The following INTS7 variants were observed in gnomAD, a reference collection of about 807,000 sequenced individuals.
INTS7 encodes chromosome 1 open reading frame 73.
INTS7 carries 46 observed loss-of-function variants against 109.2 expected under a neutral mutation model. The ratio of observed to expected loss-of-function variants is 0.42; its 90% CI spans 0.33 to 0.54. The LOEUF (loss-of-function observed/expected upper bound fraction) is 0.54. Ranked by LOEUF, INTS7 falls within the 20% of genes least tolerant of loss-of-function variation. The pLI is 0.07. For synonymous variants in INTS7, 412 were observed against 402.9 expected (o/e 1.02, Z -0.27); for missense variants, 929 against 1,132.4 (o/e 0.82, Z 2.58).
intron 4 of INTS7, chr1:212,011,760 G>A: frequency 4.9e-6 from 1 of 203,586 alleles, no homozygotes; most frequent in Non-Finnish European, 9.9e-6. Flanking sequence ...TATATTTCTG[G>A]AACTTAGAAA....
At chr1:212,035,273 A>C (rs1408976739) in intron 1 of INTS7, 71 bp downstream of exon 1, 4 of 1,057,890 alleles carry the variant, frequency 3.8e-6, no homozygotes, top group Middle Eastern at 2.1e-4. Context: ...CTTCTCCCAA[A>C]GCAACCACCA....
rs958563261 is a variant in INTS7 at position 211,952,638 on chromosome 1, C to T, written c.2247G>A (p.Met749Ile). ...CCTCCAAGACATGATTATATACAGA[C>T]ATCATTCTTCTTTCATATTCACTAT... is the stretch of plus-strand genomic sequence containing the variant. ...HADSEYERRM[M>I]SVYNHVLEEV... is the part of the protein sequence containing the mutation. The change falls in exon 17 of 20, where the codon ATG (methionine) becomes ATA (isoleucine). Residue 749 changes from methionine to isoleucine, a missense_variant. By Grantham distance (10) the Met-to-Ile change is conservative. Coordinates refer to ENST00000366994, the MANE Select transcript of INTS7 (RefSeq NM_015434.4). 2.5e-6 allele frequency: 4 copies of T among 1,612,142 alleles called. No individual in the cohort carries two copies. The highest frequency in any genetic ancestry group is 1.1e-5 in the South Asian group (1 of 91,022).
intron 7 of INTS7, 31 bp from the exon 8 acceptor site, chr1:211,988,034 G>A: frequency 9.1e-7 from 1 of 1,099,470 alleles, no homozygotes; most frequent in South Asian, 1.3e-5. Context: ...GAATATAGAA[G>A]TTAAAACATC....
At chr1:212,019,422 T>C (rs1203350042) in intron 3 of INTS7, among the ~76,000 whole-genome samples, 2 of 152,028 alleles carry the variant, frequency 1.3e-5, no homozygotes, top group Non-Finnish European at 2.9e-5. Context: ...ATTCCTGATA[T>C]GGAAAAAACG....
chr1:211,975,312 G>GT lies in INTS7; in HGVS notation c.1668dup (p.His557ThrfsTer8). The stretch of plus-strand genomic sequence containing the variant: ...AAACTATTTAGCCAGAAGTAGAAAT[G>GT]TTCTGAGGCAACCTGAGTCAGCAAA... On this transcript the variant is annotated frameshift_variant, in exon 13 of 20. Transcript: ENST00000366994. LOFTEE classifies it high-confidence loss of function. 1 of 1,614,064 alleles carries GT rather than the reference G, an allele frequency of 6.2e-7. No individual in the cohort carries two copies. Among genetic ancestry groups the GT allele is most frequent in the Non-Finnish European group, 8.5e-7 (1 of 1,179,948 alleles).
intron 8 of INTS7, among the ~76,000 whole-genome samples, chr1:211,983,995 C>G (rs964046559): frequency 1.5e-4 from 23 of 151,942 alleles, no homozygotes; most frequent in African/African-American, 5.3e-4. Flanking sequence ...TTCCAAGTAG[C>G]TGAGAATACA....
chr1:211,978,240 CATTCAAAGGAG>C, intron 11 of INTS7, 21 bp downstream of exon 11: 4 of 1,611,996 alleles, frequency 2.5e-6, no homozygotes, highest in Non-Finnish European at 2.5e-6. Context: ...AGATCCTAGT[CATTCAAAGGAG>C]ATTCAAAATG....
rs1663512162 is a variant in INTS7, at chr1:211,959,429, C to T, written c.2184-6728G>A. Among the ~76,000 whole-genome samples the T allele has an allele frequency of 6.6e-6, 1 of 152,136 alleles. No individual in the cohort carries two copies. Among genetic ancestry groups the T allele is most frequent in the African/African-American group, 2.4e-5 (1 of 41,434 alleles). On this transcript the variant is annotated intron_variant, in intron 16 of 19. Transcript: ENST00000366994. The surrounding 1 kb of genome is among the most constrained non-coding windows in gnomAD (Gnocchi z 4.2). ...TCATAGCTCCTGTGCTTGTGGACTG[C>T]GCCTAACTGGTAGTGAGCTCCAGCA...
chr1:211,968,040 C>T, intron 14 of INTS7, 59 bp from the exon 15 acceptor site: 1 of 888,402 alleles, frequency 1.1e-6, no homozygotes, highest in Non-Finnish European at 1.7e-6. Flanking sequence ...ATAAACAACA[C>T]AAAAACCAAA....
At chr1:211,971,896 C>T (rs1233888856) in intron 13 of INTS7, among the ~76,000 whole-genome samples, 1 of 83,540 alleles carries the variant, frequency 1.2e-5, no homozygotes, top group African/African-American at 4.7e-5. Context: ...AGCCTGGTGA[C>T]AAGAGTGAAA....
chr1:211,961,660 C>G (rs1271815477), intron 16 of INTS7, among the ~76,000 whole-genome samples: 1 of 151,952 alleles, frequency 6.6e-6, no homozygotes. Context: ...AACTCTTGAC[C>G]TCAAGTGACC....
rs114247834 is a variant in INTS7, at chr1:211,959,876, C to T, written c.2183+6554G>A. Reference sequence around the variant, plus strand: ...TCCCCTGCACCCCACCGGCCACCTGCGCTGCCTCTGCTGCTGCTGTGAAGG... The same window carrying T: ...TCCCCTGCACCCCACCGGCCACCTGTGCTGCCTCTGCTGCTGCTGTGAAGG... On this transcript the variant is annotated intron_variant, in intron 16 of 19. Coordinates refer to ENST00000366994, the MANE Select transcript of INTS7 (RefSeq NM_015434.4). The surrounding 1 kb of genome is among the most constrained non-coding windows in gnomAD (Gnocchi z 4.2). Among the ~76,000 whole-genome samples, 1,661 of 152,326 alleles carry T rather than the reference C, an allele frequency of 0.011. 29 individuals carry two copies. Among genetic ancestry groups the T allele is most frequent in the African/African-American group, 0.037 (1,550 of 41,562 alleles).
At chr1:211,995,925 C>T (rs1035038617) in intron 7 of INTS7, among the ~76,000 whole-genome samples, 1 of 151,904 alleles carries the variant, frequency 6.6e-6, no homozygotes, top group South Asian at 2.1e-4. Flanking sequence ...CAGAAATGTC[C>T]GAAATAAATT....
intron 7 of INTS7, among the ~76,000 whole-genome samples, chr1:212,002,200 A>G (rs1665702764): frequency 2.6e-5 from 4 of 152,212 alleles, no homozygotes. Flanking sequence ...TCTAGCCTTT[A>G]AAATATATCC....
At chr1:211,958,237 C>T (rs2358386) in intron 16 of INTS7, among the ~76,000 whole-genome samples, 91,775 of 151,694 alleles carry the variant, frequency 0.61, 28,243 homozygotes, top group Non-Finnish European at 0.66. Flanking sequence ...TCTGAAAATG[C>T]CTTAATTTAA....
At chr1:211,986,486 A>C (rs1294081275) in intron 8 of INTS7, among the ~76,000 whole-genome samples, 4 of 152,226 alleles carry the variant, frequency 2.6e-5, no homozygotes. Context: ...ACAAGGTCAG[A>C]AAATAAATAA....
rs146821740 is a variant in INTS7, at chr1:212,004,820, C to A, written c.879+1819G>T. On this transcript the variant is annotated intron_variant, in intron 7 of 19. Coordinates refer to ENST00000366994, the MANE Select transcript of INTS7 (RefSeq NM_015434.4). ...AACATATTAAAAAGGTGTTCAATTT[C>A]TTTAATAATCAAGGAGCTACACATA... Among the ~76,000 whole-genome samples, 570 of 152,216 alleles carry A rather than the reference C, an allele frequency of 3.7e-3. 4 individuals carry two copies. Among genetic ancestry groups the A allele is most frequent in the African/African-American group, 0.013 (553 of 41,512 alleles).
At chr1:212,017,861 G>A (rs1489749627) in intron 3 of INTS7, among the ~76,000 whole-genome samples, 1 of 152,074 alleles carries the variant, frequency 6.6e-6, no homozygotes, top group African/African-American at 2.4e-5. Context: ...AAGTAATACT[G>A]TTAGTAGCAA....
chr1:211,984,268 C>T (rs1018923532), intron 8 of INTS7, among the ~76,000 whole-genome samples: 2 of 151,956 alleles, frequency 1.3e-5, no homozygotes, highest in African/African-American at 2.4e-5. Context: ...ATGGACAATG[C>T]GGAGTCATCT....
Sources: allele counts gnomAD v4.1 joint callset (sites outside exome capture counted in the v4.1 genomes callset), GRCh38; gene constraint gnomAD v4.1.1; non-coding constraint Gnocchi (gnomAD v3.1); transcripts MANE v1.5; gene names NCBI Gene and HGNC (gene_info 2026-07-23, HGNC 2026-07-21).